The following FGF10 variants were observed in gnomAD, a reference collection of about 807,000 sequenced individuals.
The protein encoded by FGF10 is fibroblast growth factor 10, also known as FGF-10.
In FGF10, 2 loss-of-function variants were observed where a neutral mutation model predicts 19.8. That is an observed-to-expected ratio of 0.10 (90% CI 0.04 to 0.32). The LOEUF is 0.32. FGF10 is among the 10% of genes least tolerant of loss of function. The pLI, the probability that FGF10 is intolerant of heterozygous loss-of-function variation, is 1.00. For missense variants in FGF10, 191 were observed against 246.3 expected (o/e 0.78, Z 1.50); for synonymous variants, 112 against 94.0 (o/e 1.19, Z -1.10).
intron 1 of FGF10, among the ~76,000 whole-genome samples, chr5:44,353,017 A>G (rs1561211697): frequency 6.6e-6 from 1 of 151,634 alleles, no homozygotes; most frequent in Non-Finnish European, 1.5e-5. Context: ...GTATGACACA[A>G]TGCCATCTGT....
rs866841825 is a variant in FGF10, at chr5:44,351,627, C to T, written c.325+36731G>A. On this transcript the variant is annotated intron_variant, in intron 1 of 2. Coordinates refer to ENST00000264664, the MANE Select transcript of FGF10 (RefSeq NM_004465.2). The stretch of plus-strand genomic sequence containing the variant: ...GAAATCAATGCTTTCCAAGTCAGTC[C>T]CATCGTTGGAATCTTATCTGTAAGG... 2.0e-5 allele frequency among the ~76,000 whole-genome samples: 3 copies of T among 151,576 alleles called. No homozygotes were observed. In the South Asian group the frequency reaches 6.2e-4, roughly 31 times the overall value.
intron 1 of FGF10, among the ~76,000 whole-genome samples, chr5:44,378,996 C>G (rs1347974252): frequency 6.6e-6 from 1 of 152,154 alleles, no homozygotes; most frequent in African/African-American, 2.4e-5. Context: ...AATGTGCCTT[C>G]TCTGTACTTC....
rs1739956545 is a variant in FGF10, at chr5:44,301,099, C to T, written c.*3896G>A. Among the ~76,000 whole-genome samples the T allele has an allele frequency of 6.6e-6, 1 of 152,018 alleles. No homozygotes were observed. The highest frequency in any genetic ancestry group is 2.1e-4 in the South Asian group (1 of 4,814). Reference sequence around the variant, plus strand: ...AGAGTTCCTTTTTCTCCTGAGCATCCTTCAAAGATATTCCTCTTCCTTTTT... The same window carrying T: ...AGAGTTCCTTTTTCTCCTGAGCATCTTTCAAAGATATTCCTCTTCCTTTTT... On this transcript the variant is annotated 3_prime_UTR_variant, in exon 3 of 3. Coordinates refer to ENST00000264664, the MANE Select transcript of FGF10 (RefSeq NM_004465.2).
chr5:44,316,287 TG>T (rs1740348070), intron 1 of FGF10, among the ~76,000 whole-genome samples: 1 of 152,128 alleles, frequency 6.6e-6, no homozygotes, highest in Non-Finnish European at 1.5e-5. Flanking sequence ...CCAAAAAGGT[TG>T]GGGACCGCTG....
chr5:44,389,158 C>G lies in FGF10; in HGVS notation c.-476G>C, dbSNP rs1742181728. The G allele has an allele frequency of 4.4e-6, 1 of 225,790 alleles. No homozygotes were observed. The highest frequency in any genetic ancestry group is 9.0e-6 in the Non-Finnish European group (1 of 111,238). 14.0% of individuals were successfully genotyped at this position (225,790 alleles called of 1,614,324 possible). On this transcript the variant is annotated 5_prime_UTR_variant, in exon 1 of 3. Transcript: ENST00000264664. ...CTCTGCGGTTGGCACCTTCTGGTCT[C>G]TCTCTGCGGAGCCCCAGCCTGCGAG...
chr5:44,312,690 A>G (rs1740240547), intron 1 of FGF10, among the ~76,000 whole-genome samples: 1 of 152,122 alleles, frequency 6.6e-6, no homozygotes, highest in African/African-American at 2.4e-5. Context: ...AAGATTAGGC[A>G]GCTGCTTACA....
At chr5:44,380,964 T>A (rs1048322228) in intron 1 of FGF10, among the ~76,000 whole-genome samples, 2 of 152,218 alleles carry the variant, frequency 1.3e-5, no homozygotes, top group African/African-American at 4.8e-5. Flanking sequence ...CAAAATCATC[T>A]TCACTTTCTT....
rs1288068551 is a variant in FGF10 at position 44,305,304 on chromosome 5, G to A, written c.430-112C>T. ...AGGATTCTGTTTGTAGTTGCCATTT[G>A]TACCTAAGTTGTGCACTTAATACAT... On this transcript the variant is annotated intron_variant, in intron 2 of 2. Transcript: ENST00000264664. The A allele has an allele frequency of 6.5e-6, 6 of 920,498 alleles. No individual in the cohort carries two copies. The East Asian group carries it at 1.2e-4, about 19-fold the overall frequency. 57.0% of individuals were successfully genotyped at this position (920,498 alleles called of 1,614,324 possible). A position where few individuals can be genotyped will look rare whatever the true frequency, so the allele number is the denominator to read the frequency against.
intron 2 of FGF10, among the ~76,000 whole-genome samples, chr5:44,307,920 A>C (rs1439793675): frequency 6.6e-6 from 1 of 152,216 alleles, no homozygotes; most frequent in South Asian, 2.1e-4. Context: ...GGAAGTGGAA[A>C]GTATGTTCTG....
rs1742187491 is a variant in FGF10 at position 44,389,360 on chromosome 5, C to G, written c.-678G>C. On this transcript the variant is annotated 5_prime_UTR_variant, in exon 1 of 3. Coordinates refer to ENST00000264664, the MANE Select transcript of FGF10 (RefSeq NM_004465.2). ...GCTGGTGTTTTGTATGGCCCTATCT[C>G]CCACCCCCTTCCTTTGGAAAGTCCG... 1.9e-5 allele frequency: 3 copies of G among 155,596 alleles called. No homozygotes were observed. Among genetic ancestry groups the G allele is most frequent in the African/African-American group, 7.2e-5 (3 of 41,532 alleles). The allele number at this position is 155,596 out of a possible 1,614,324, so 9.6% of individuals were successfully genotyped here.
chr5:44,387,939 A>C (rs1742141684), intron 1 of FGF10, among the ~76,000 whole-genome samples: 1 of 152,182 alleles, frequency 6.6e-6, no homozygotes, highest in Non-Finnish European at 1.5e-5. Flanking sequence ...AAAACTCTTA[A>C]CAAGATTGCC....
intron 1 of FGF10, among the ~76,000 whole-genome samples, chr5:44,325,799 C>A (rs543680523): frequency 2.0e-3 from 303 of 151,978 alleles, no homozygotes; most frequent in African/African-American, 7.1e-3. Flanking sequence ...TGCAGCACAC[C>A]AACATGGCAC....
At chr5:44,341,509 A>T (rs966968084) in intron 1 of FGF10, among the ~76,000 whole-genome samples, 14 of 151,900 alleles carry the variant, frequency 9.2e-5, no homozygotes, top group African/African-American at 3.1e-4. Context: ...AAAAAACATA[A>T]ACCTGATGAG....
At chr5:44,379,425 C>T (rs886824839) in intron 1 of FGF10, among the ~76,000 whole-genome samples, 7 of 152,142 alleles carry the variant, frequency 4.6e-5, no homozygotes, top group Non-Finnish European at 2.9e-5. Flanking sequence ...TGTTAATATC[C>T]TTGTTTTACT....
intron 1 of FGF10, among the ~76,000 whole-genome samples, chr5:44,336,761 A>T (rs1404279610): frequency 6.6e-6 from 1 of 152,190 alleles, no homozygotes; most frequent in Non-Finnish European, 1.5e-5. Flanking sequence ...TAGAAGAATG[A>T]TAAAAGAATA....
At position 44,304,306 on chromosome 5, in the gene FGF10, G is replaced by C. The variant is rs1368716558; in HGVS notation, c.*689C>G. The stretch of plus-strand genomic sequence containing the variant: ...AATAAAAAGAAAAGATAAATCAGAA[G>C]ACAGCTGCTGAGATACTCTTTAAAA... On this transcript the variant is annotated 3_prime_UTR_variant, in exon 3 of 3. Transcript: ENST00000264664. 1.3e-5 allele frequency: 2 copies of C among 152,160 alleles called. No individual in the cohort carries two copies. Among genetic ancestry groups the C allele is most frequent in the Non-Finnish European group, 2.9e-5 (2 of 68,084 alleles). The allele number at this position is 152,160 out of a possible 1,614,324, so 9.4% of individuals were successfully genotyped here.
intron 1 of FGF10, among the ~76,000 whole-genome samples, chr5:44,373,324 T>A (rs1741784998): frequency 1.3e-5 from 2 of 152,176 alleles, no homozygotes; most frequent in Non-Finnish European, 2.9e-5. Context: ...GAGCATGCTT[T>A]CCTAACAGTG....
At chr5:44,329,477 G>A (rs1740684429) in intron 1 of FGF10, among the ~76,000 whole-genome samples, 1 of 152,068 alleles carries the variant, frequency 6.6e-6, no homozygotes, top group Non-Finnish European at 1.5e-5. Flanking sequence ...GCCTGGCCTA[G>A]TCTTTTCTAT....
intron 1 of FGF10, among the ~76,000 whole-genome samples, chr5:44,326,764 C>T (rs1232590078): frequency 6.6e-6 from 1 of 151,920 alleles, no homozygotes; most frequent in East Asian, 1.9e-4. Flanking sequence ...CTACCAGCAC[C>T]GGGATCATAT....
Sources: allele counts gnomAD v4.1 joint callset (sites outside exome capture counted in the v4.1 genomes callset), GRCh38; gene constraint gnomAD v4.1.1; transcripts MANE v1.5; gene names NCBI Gene and HGNC (gene_info 2026-07-23, HGNC 2026-07-21).